The following ZFP28 variants were observed in gnomAD, a reference collection of about 807,000 sequenced individuals.
The protein encoded by ZFP28 is zinc finger protein 28 homolog.
In ZFP28, 31 loss-of-function variants were observed where a neutral mutation model predicts 39.5. The ratio of observed to expected loss-of-function variants is 0.79; its 90% CI spans 0.59 to 1.06. The LOEUF (loss-of-function observed/expected upper bound fraction) is 1.06. Among genes scored for constraint, ZFP28 ranks in the 50% least tolerant of loss-of-function variants. The probability of loss-of-function intolerance (pLI) is 0.00; values close to 1 mark genes in which losing one functional copy is unlikely to be tolerated. For synonymous variants in ZFP28, 400 were observed against 378.6 expected, an observed-to-expected ratio of 1.06 and a Z score of -0.66; for missense variants, 925 against 1,048.4, an observed-to-expected ratio of 0.88 and a Z score of 1.63.
In ZFP28 at chr19:56,554,750, C is replaced by T; in HGVS notation, c.1965C>T (p.Thr655=). 2 of 1,614,026 alleles carry T rather than the reference C, an allele frequency of 1.2e-6. No homozygotes were observed. The highest frequency in any genetic ancestry group is 1.7e-5 in the Admixed American group (1 of 60,010). Residue 655 remains threonine, a synonymous_variant, in exon 8 of 8, where the codon ACC becomes ACT. Transcript: ENST00000301318. The surrounding 1 kb of genome is among the most constrained non-coding windows in gnomAD (Gnocchi z 6.7). ...GTAAGGTTTGTAGTAAAGCGTTCAC[C>T]CAGAAGGCTCACCTTGCACAGCATC... is the stretch of plus-strand genomic sequence containing the variant. ...YECKVCSKAF[T]QKAHLAQHQK... is the part of the protein sequence containing the mutation.
chr19:56,554,260 T>C lies in ZFP28; in HGVS notation c.1475T>C (p.Ile492Thr), dbSNP rs921516498. ...GCTTTCATACAGAACACATCCCTTA[T>C]CCGTCACTGGAGATACTATCATACT... ...GKAFIQNTSL[I>T]RHWRYYHTGE... Residue 492 changes from isoleucine to threonine, a missense_variant, in exon 8 of 8, where the codon ATC becomes ACC. Ile to Thr is a moderately conservative substitution (Grantham distance 89). Around this residue, in one of 2 missense-constraint regions of ZFP28, gnomAD observed 369 missense variants for 505.5 expected, o/e 0.73. Coordinates refer to ENST00000301318, the MANE Select transcript of ZFP28 (RefSeq NM_020828.2). This position sits in a 1 kb window ranked among gnomAD's most constrained non-coding sequence, Gnocchi z 6.7. 6.2e-7 allele frequency: 1 copy of C among 1,614,178 alleles called. No individual in the cohort carries two copies. The highest frequency in any genetic ancestry group is 8.5e-7 in the Non-Finnish European group (1 of 1,180,036).
Position 56,555,066 on chromosome 19 carries a change from G to A in ZFP28, c.2281G>A (p.Val761Met). 1 of 1,614,208 alleles carries A rather than the reference G, an allele frequency of 6.2e-7. No homozygotes were observed. Among genetic ancestry groups the A allele is most frequent in the Non-Finnish European group, 8.5e-7 (1 of 1,180,044 alleles). The stretch of plus-strand genomic sequence containing the variant: ...TGGAGAAAAACCTTATGAATGCAGT[G>A]TGTGTGGCAAAGCCTTTAGTCATCG... Reference protein sequence around the residue: ...HTGEKPYECSVCGKAFSHRQS... With the variant: ...HTGEKPYECSMCGKAFSHRQS... Residue 761 changes from valine to methionine, a missense_variant, in exon 8 of 8, where the codon GTG (valine) becomes ATG (methionine). Val to Met is a conservative substitution (Grantham distance 21, BLOSUM62 1). Transcript: ENST00000301318.
Position 56,555,769 on chromosome 19 carries a change from T to G in ZFP28, c.*377T>G, listed in dbSNP as rs1443087999. ...GTTTTGCCTTTGTTGGTTTTAAAAC[T>G]TGATTCTATAATGCCAAGTTAGTTT... On this transcript the variant is annotated 3_prime_UTR_variant, in exon 8 of 8. Transcript: ENST00000301318. 1 of 177,556 alleles carries G rather than the reference T, an allele frequency of 5.6e-6. No homozygotes were observed. Among genetic ancestry groups the G allele is most frequent in the Non-Finnish European group, 1.2e-5 (1 of 85,392 alleles). 11.0% of individuals were successfully genotyped at this position (177,556 alleles called of 1,614,324 possible).
At position 56,547,724 on chromosome 19, in the gene ZFP28, T is replaced by C. The variant is rs2044255582; in HGVS notation, c.428-83T>C. ...ATGCCTTTATCACCCAGACCTGCAC[T>C]GCCCTCTTGCGTCAAGCCAAGGGGA... On this transcript the variant is annotated intron_variant, in intron 3 of 7. Transcript: ENST00000301318. The surrounding 1 kb of genome is among the most constrained non-coding windows in gnomAD (Gnocchi z 4.6). 1 of 1,586,288 alleles carries C rather than the reference T, an allele frequency of 6.3e-7. No homozygotes were observed. The highest frequency in any genetic ancestry group is 8.6e-7 in the Non-Finnish European group (1 of 1,162,742).
rs890098077 is a variant in ZFP28, at chr19:56,547,344, T to G, written c.301-164T>G. 1.7e-5 allele frequency: 17 copies of G among 1,018,310 alleles called. No individual in the cohort carries two copies. The highest frequency in any genetic ancestry group is 2.4e-5 in the Non-Finnish European group (17 of 703,472). The allele number at this position is 1,018,310 out of a possible 1,614,324, so 63.1% of individuals were successfully genotyped here. Reference sequence around the variant, plus strand: ...ATGACCTCATTTAACCCTAATTACCTCTTTGTAGGCCCTGTCTCTAAATAC... The same window carrying G: ...ATGACCTCATTTAACCCTAATTACCGCTTTGTAGGCCCTGTCTCTAAATAC... On this transcript the variant is annotated intron_variant, in intron 2 of 7. Transcript: ENST00000301318. The surrounding 1 kb of genome is among the most constrained non-coding windows in gnomAD (Gnocchi z 4.6).
Position 56,547,325 on chromosome 19 carries a change from T to C in ZFP28, c.301-183T>C. On this transcript the variant is annotated intron_variant, in intron 2 of 7. Coordinates refer to ENST00000301318, the MANE Select transcript of ZFP28 (RefSeq NM_020828.2). This position sits in a 1 kb window ranked among gnomAD's most constrained non-coding sequence, Gnocchi z 4.6. ...GGGTTAGGGCCCCACCCATATGACC[T>C]CATTTAACCCTAATTACCTCTTTGT... 1.2e-6 allele frequency: 1 copy of C among 819,498 alleles called. No homozygotes were observed. The highest frequency in any genetic ancestry group is 2.8e-5 in the Admixed American group (1 of 35,902). The allele number at this position is 819,498 out of a possible 1,614,324, so 50.8% of individuals were successfully genotyped here. A position where few individuals can be genotyped will look rare whatever the true frequency, so the allele number is the denominator to read the frequency against.
chr19:56,551,391 A>G, intron 7 of ZFP28: 1 of 985,674 alleles, frequency 1.0e-6, no homozygotes, highest in Non-Finnish European at 1.2e-6. Flanking sequence ...GGATAAACAC[A>G]CATTTTTTCA....
At chr19:56,543,102 A>G (rs2044209748) in intron 2 of ZFP28, among the ~76,000 whole-genome samples, 1 of 152,166 alleles carries the variant, frequency 6.6e-6, no homozygotes, top group African/African-American at 2.4e-5. Flanking sequence ...TTCATCAGGA[A>G]TAATAGTTAT....
intron 2 of ZFP28, among the ~76,000 whole-genome samples, chr19:56,544,083 A>G (rs2044219261): frequency 6.6e-6 from 1 of 152,250 alleles, no homozygotes. Flanking sequence ...AGATGTGTAT[A>G]GTGCCTGGAT....
chr19:56,553,880 C>A lies in ZFP28; in HGVS notation c.1095C>A (p.Asn365Lys), dbSNP rs1455497727. 9 of 1,613,990 alleles carry A rather than the reference C, an allele frequency of 5.6e-6. No homozygotes were observed. The highest frequency in any genetic ancestry group is 7.6e-6 in the Non-Finnish European group (9 of 1,180,028). ...TQFRQEPITH[N>K]KTLSKERERT... ...TCAGGCAAGAGCCAATTACTCATAA[C>A]AAAACCCTCTCTAAGGAAAGAGAAC... is the stretch of plus-strand genomic sequence containing the variant. Residue 365 changes from asparagine to lysine, a missense_variant, in exon 8 of 8, where the codon AAC (asparagine) becomes AAA (lysine). Physicochemically the swap from Asn to Lys is moderately conservative, Grantham distance 94. Around this residue, in one of 2 missense-constraint regions of ZFP28, gnomAD observed 556 missense variants for 542.9 expected, o/e 1.02. Coordinates refer to ENST00000301318, the MANE Select transcript of ZFP28 (RefSeq NM_020828.2).
chr19:56,555,488 C>A lies in ZFP28; in HGVS notation c.*96C>A. The A allele has an allele frequency of 7.1e-7, 1 of 1,410,330 alleles. No individual in the cohort carries two copies. Among genetic ancestry groups the A allele is most frequent in the Non-Finnish European group, 9.6e-7 (1 of 1,047,056 alleles). The allele number at this position is 1,410,330 out of a possible 1,614,324, so 87.4% of individuals were successfully genotyped here. ...TTTTGTCCCTTATTAGTTAGTTCTTCACATAAGTGTAAATGTAACTTATTC... is the reference window on the plus strand; with the variant it reads ...TTTTGTCCCTTATTAGTTAGTTCTTAACATAAGTGTAAATGTAACTTATTC... On this transcript the variant is annotated 3_prime_UTR_variant, in exon 8 of 8. Transcript: ENST00000301318.
Position 56,550,526 on chromosome 19 carries a change from G to C in ZFP28, c.819G>C (p.Lys273Asn), listed in dbSNP as rs1243606126. 6.2e-7 allele frequency: 1 copy of C among 1,614,054 alleles called. No homozygotes were observed. The highest frequency in any genetic ancestry group is 8.5e-7 in the Non-Finnish European group (1 of 1,180,030). Residue 273 changes from lysine to asparagine, a missense_variant, in exon 7 of 8, where the codon AAG becomes AAC. Physicochemically the swap from Lys to Asn is moderately conservative, Grantham distance 94. Coordinates refer to ENST00000301318, the MANE Select transcript of ZFP28 (RefSeq NM_020828.2). ...CTTTTTCAGGACATTGTGTGGCTAA[G>C]CCAGATTTAGTCTCTTTACTAGAGC... is the stretch of plus-strand genomic sequence containing the variant. ...DLGSAGHCVA[K>N]PDLVSLLEQE... is the part of the protein sequence containing the mutation.
chr19:56,539,510 C>A (rs1178489880), intron 1 of ZFP28, 115 bp from the exon 2 acceptor site: 2 of 899,546 alleles, frequency 2.2e-6, no homozygotes, highest in Non-Finnish European at 3.4e-6. Flanking sequence ...TTGTGGCAGT[C>A]CCTAGGCAGG....
Position 56,554,280 on chromosome 19 carries a change from C to T in ZFP28, c.1495C>T (p.His499Tyr), listed in dbSNP as rs551770733. The T allele has an allele frequency of 6.2e-7, 1 of 1,614,194 alleles. No homozygotes were observed. Among genetic ancestry groups the T allele is most frequent in the East Asian group, 2.2e-5 (1 of 44,880 alleles). Residue 499 changes from histidine (H) to tyrosine (Y), a missense_variant, in exon 8 of 8, where the codon CAT becomes TAT. This residue lies in a region of ZFP28 where 369 missense variants were observed against 505.5 expected (regional missense o/e 0.73). Transcript: ENST00000301318. This position sits in a 1 kb window ranked among gnomAD's most constrained non-coding sequence, Gnocchi z 6.7. ...TSLIRHWRYY[H>Y]TGEKPFDCID... Reference sequence around the variant, plus strand: ...CCTTATCCGTCACTGGAGATACTATCATACTGGGGAGAAACCCTTTGATTG... The same window carrying T: ...CCTTATCCGTCACTGGAGATACTATTATACTGGGGAGAAACCCTTTGATTG...
At chr19:56,539,449 A>G (rs527847886) in intron 1 of ZFP28, among the ~76,000 whole-genome samples, 176 bp from the exon 2 acceptor site, 145 of 152,140 alleles carry the variant, frequency 9.5e-4, no homozygotes, top group African/African-American at 3.4e-3. Flanking sequence ...CTCTAACTAG[A>G]CGCTTTTCCT....
At chr19:56,546,099 A>AC (rs2044239187) in intron 2 of ZFP28, 1 of 152,200 alleles carries the variant, frequency 6.6e-6, no homozygotes, top group African/African-American at 2.4e-5. Context: ...AACATAATCT[A>AC]CAAGGTTGGT....
At position 56,539,648 on chromosome 19, in the gene ZFP28, C is replaced by T. The variant is rs767308660; in HGVS notation, c.232C>T (p.Leu78Phe). The change falls in exon 2 of 8, where the codon CTT becomes TTT. Residue 78 changes from leucine to phenylalanine, a missense_variant. Transcript: ENST00000301318. ...AGCTCTGCCTTCCAGGGACACTGCT[C>T]TTCCCCAGGAGAGAAACAAGAAGCT... is the stretch of plus-strand genomic sequence containing the variant. ...HRALPSRDTA[L>F]PQERNKKLEA... The T allele has an allele frequency of 5.6e-6, 9 of 1,613,954 alleles. No individual in the cohort carries two copies. The highest frequency in any genetic ancestry group is 1.3e-5 in the African/African-American group (1 of 74,888).
intron 2 of ZFP28, among the ~76,000 whole-genome samples, chr19:56,544,088 C>G (rs1402974820): frequency 1.3e-5 from 2 of 152,182 alleles, no homozygotes; most frequent in African/African-American, 4.8e-5. Context: ...TGTATAGTGC[C>G]TGGATTGAGG....
intron 2 of ZFP28, among the ~76,000 whole-genome samples, chr19:56,540,713 T>C (rs2044188395): frequency 1.3e-5 from 2 of 151,320 alleles, no homozygotes; most frequent in South Asian, 4.2e-4. Context: ...TCTGCTCTTA[T>C]AGAGCTAAAG....
Sources: gnomAD v4.1 joint callset for allele counts (sites outside exome capture counted in the v4.1 genomes callset) on GRCh38, gnomAD v4.1.1 for gene constraint, gnomAD v4.1.1 regional missense constraint, Gnocchi (gnomAD v3.1) non-coding constraint, MANE v1.5 for transcripts, NCBI Gene and HGNC (gene_info 2026-07-23, HGNC 2026-07-21) for gene names.